The following RNF24 variants were observed in gnomAD, a reference collection of about 807,000 sequenced individuals.
The protein encoded by RNF24 is ring finger protein 24.
In RNF24, 14 loss-of-function variants were observed where a neutral mutation model predicts 20.0. That is an observed-to-expected ratio of 0.70 (90% confidence interval 0.46 to 1.10). The LOEUF (loss-of-function observed/expected upper bound fraction) is 1.10, where lower values mean the gene tolerates loss of function less well. Ranked by LOEUF, RNF24 falls within the 50% of genes least tolerant of loss-of-function variation. The pLI is 0.00. For missense variants in RNF24, 124 were observed against 177.6 expected (o/e 0.70, Z 1.71); for synonymous variants, 45 against 61.1 (o/e 0.74, Z 1.23).
At chr20:4,009,676 A>G (rs540963388) in intron 1 of RNF24, among the ~76,000 whole-genome samples, 1 of 152,258 alleles carries the variant, frequency 6.6e-6, no homozygotes, top group African/African-American at 2.4e-5. Context: ...GTGATAGGCA[A>G]AAAGATCTTA....
At chr20:3,959,980 A>ATCTT (rs1189240955) in intron 2 of RNF24, among the ~76,000 whole-genome samples, 1 of 152,218 alleles carries the variant, frequency 6.6e-6, no homozygotes, top group African/African-American at 2.4e-5. Flanking sequence ...ATAAAACAGG[A>ATCTT]TCTTTCTTAG....
At chr20:3,975,319 A>G (rs1978772625) in intron 1 of RNF24, among the ~76,000 whole-genome samples, 1 of 152,222 alleles carries the variant, frequency 6.6e-6, no homozygotes, top group Admixed American at 6.5e-5. Context: ...AAAACCTAAG[A>G]GAAGATATTT....
chr20:3,940,924 A>G (rs73086505), intron 4 of RNF24, among the ~76,000 whole-genome samples: 17,723 of 152,296 alleles, frequency 0.12, 1,388 homozygotes, highest in Non-Finnish European at 0.17. Flanking sequence ...CATTATGAAG[A>G]TAAAAGAGAA....
At chr20:4,007,324 T>C (rs1358656339) in intron 1 of RNF24, among the ~76,000 whole-genome samples, 1 of 152,170 alleles carries the variant, frequency 6.6e-6, no homozygotes, top group Non-Finnish European at 1.5e-5. Context: ...AGCCTGAACT[T>C]CTACAGAGCC....
At chr20:3,984,379 T>G (rs1979701503) in intron 1 of RNF24, among the ~76,000 whole-genome samples, 1 of 152,214 alleles carries the variant, frequency 6.6e-6, no homozygotes, top group Non-Finnish European at 1.5e-5. Flanking sequence ...GCTGCATTTC[T>G]GGATATTTGA....
chr20:4,008,450 ATAAT>A (rs1982126157), intron 1 of RNF24, among the ~76,000 whole-genome samples: 1 of 17,940 alleles, frequency 5.6e-5, no homozygotes, highest in African/African-American at 1.5e-4. Context: ...TATAATATAT[ATAAT>A]ATATAATATA....
rs1181659698 is a variant in RNF24 at position 4,015,520 on chromosome 20, T to A, written c.-91A>T. The stretch of plus-strand genomic sequence containing the variant: ...GCAGGCTGCGGGCGGCGAGCGTCCG[T>A]CCGGACAGAGCGCGGCGGAGGTGGC... On this transcript the variant is annotated 5_prime_UTR_variant, in exon 1 of 6. Transcript: ENST00000358395. 1 of 150,540 alleles carries A rather than the reference T, an allele frequency of 6.6e-6. No homozygotes were observed. The highest frequency in any genetic ancestry group is 1.5e-5 in the Non-Finnish European group (1 of 67,522). 9.3% of individuals were successfully genotyped at this position (150,540 alleles called of 1,614,324 possible).
intron 1 of RNF24, among the ~76,000 whole-genome samples, chr20:3,989,556 A>G (rs1207376906): frequency 6.6e-6 from 1 of 152,214 alleles, no homozygotes; most frequent in Admixed American, 6.5e-5. Context: ...TGAACAGGAC[A>G]GAATAGAAAT....
intron 1 of RNF24, among the ~76,000 whole-genome samples, chr20:3,970,214 T>C (rs2091300963): frequency 6.6e-6 from 1 of 152,260 alleles, no homozygotes; most frequent in African/African-American, 2.4e-5. Flanking sequence ...GAAAGCCTAG[T>C]TGAGAGCTGG....
chr20:4,014,360 A>T (rs1179615724), intron 1 of RNF24, among the ~76,000 whole-genome samples: 1 of 152,226 alleles, frequency 6.6e-6, no homozygotes, highest in Non-Finnish European at 1.5e-5. Flanking sequence ...TCAGGAGCGG[A>T]GAAAACTGTG....
intron 1 of RNF24, among the ~76,000 whole-genome samples, chr20:3,987,898 G>A (rs1980066854): frequency 6.6e-6 from 1 of 151,984 alleles, no homozygotes; most frequent in African/African-American, 2.4e-5. Context: ...ACACAAGCAA[G>A]CATAGGTAGA....
chr20:4,001,768 T>G (rs1981410054), intron 1 of RNF24, among the ~76,000 whole-genome samples: 1 of 151,858 alleles, frequency 6.6e-6, no homozygotes, highest in African/African-American at 2.4e-5. Flanking sequence ...AGACCTCATC[T>G]CTATAAAACT....
At chr20:4,010,557 G>T (rs186145033) in intron 1 of RNF24, among the ~76,000 whole-genome samples, 5 of 152,036 alleles carry the variant, frequency 3.3e-5, no homozygotes, top group Admixed American at 2.6e-4. Flanking sequence ...GTTTCTTTTT[G>T]GTCATTTCTT....
chr20:3,945,241 C>T, intron 3 of RNF24, 23 bp from the exon 4 acceptor site: 1 of 1,564,516 alleles, frequency 6.4e-7, no homozygotes, highest in Non-Finnish European at 8.7e-7. Context: ...AAAGTATGTT[C>T]TTATGCCCAT....
chr20:3,981,937 G>A (rs1418783331), intron 1 of RNF24, among the ~76,000 whole-genome samples: 2 of 151,734 alleles, frequency 1.3e-5, no homozygotes, highest in Admixed American at 6.6e-5. Context: ...TGGACAACAG[G>A]TAAAACCCCG....
chr20:3,974,333 C>T lies in RNF24; in HGVS notation c.-7-10309G>A, dbSNP rs1978668310. 3 of 1,550,542 alleles carry T rather than the reference C, an allele frequency of 1.9e-6. No individual in the cohort carries two copies. The African/African-American group carries it at 4.1e-5, about 21-fold the overall frequency. Reference sequence around the variant, plus strand: ...AATTGTGAAAGACTGAATACTTACCCCCCTAAGACCGGGAACAAGGCAGGA... The same window carrying T: ...AATTGTGAAAGACTGAATACTTACCTCCCTAAGACCGGGAACAAGGCAGGA... On this transcript the variant is annotated intron_variant, in intron 1 of 5. Coordinates refer to ENST00000358395, the MANE Select transcript of RNF24 (RefSeq NM_001134337.3).
Position 3,928,844 on chromosome 20 carries a change from ATTTTC to A in RNF24, c.*5214_*5218del, listed in dbSNP as rs1457235635. On this transcript the variant is annotated 3_prime_UTR_variant, in exon 6 of 6. Transcript: ENST00000358395. The stretch of plus-strand genomic sequence containing the variant: ...ATAAAGGGAAAATTCTGTAGGAAGC[ATTTTC>A]TTTTCTTGTGTGTTTTTTTGAGACG... 2 of 147,144 alleles carry A rather than the reference ATTTTC, an allele frequency of 1.4e-5. No individual in the cohort carries two copies. Among genetic ancestry groups the A allele is most frequent in the Non-Finnish European group, 3.0e-5 (2 of 67,030 alleles). 9.1% of individuals were successfully genotyped at this position (147,144 alleles called of 1,614,324 possible).
chr20:3,958,228 C>G (rs1270750131), intron 2 of RNF24, among the ~76,000 whole-genome samples: 1 of 152,124 alleles, frequency 6.6e-6, no homozygotes, highest in South Asian at 2.1e-4. Flanking sequence ...CTCTTTTCAC[C>G]TCTATGATTT....
rs995245568 is a variant in RNF24 at position 3,930,231 on chromosome 20, C to T, written c.*3832G>A. 1 of 152,212 alleles carries T rather than the reference C, an allele frequency of 6.6e-6. No individual in the cohort carries two copies. Among genetic ancestry groups the T allele is most frequent in the African/African-American group, 2.4e-5 (1 of 41,452 alleles). The allele number at this position is 152,212 out of a possible 1,614,324, so 9.4% of individuals were successfully genotyped here. A position where few individuals can be genotyped will look rare whatever the true frequency, so the allele number is the denominator to read the frequency against. ...TTCAAAACATTAAGAAAGAAATATT[C>T]AGCACTGAACAACCAAGTCAGAGTT... On this transcript the variant is annotated 3_prime_UTR_variant, in exon 6 of 6. Transcript: ENST00000358395.
Sources: allele counts gnomAD v4.1 joint callset (sites outside exome capture counted in the v4.1 genomes callset), GRCh38; gene constraint gnomAD v4.1.1; transcripts MANE v1.5; gene names NCBI Gene and HGNC (gene_info 2026-07-23, HGNC 2026-07-21).